Variants in MYCBP2 observed in about 807,000 individuals in gnomAD.
MYCBP2 encodes the protein MYC binding protein 2.
A neutral mutation model predicts 525.3 loss-of-function variants in MYCBP2; 120 were observed. The observed-to-expected ratio is 0.23, with a 90% CI of 0.20 to 0.27. MYCBP2 has a LOEUF of 0.27. MYCBP2 is among the 10% of genes least tolerant of loss of function. MYCBP2 has a pLI of 1.00. For missense variants in MYCBP2, 4,149 were observed against 5,657.1 expected (o/e 0.73, Z 8.55); for synonymous variants, 1,894 against 1,955.8 (o/e 0.97, Z 0.83).
At chr13:77,276,894 T>C (rs1291306496) in intron 4 of MYCBP2, among the ~76,000 whole-genome samples, 1 of 139,042 alleles carries the variant, frequency 7.2e-6, no homozygotes, top group Non-Finnish European at 1.5e-5. Context: ...AGCCTTAAGC[T>C]ATCCTCCTGC....
At chr13:77,091,143 T>C (rs2045345678) in intron 59 of MYCBP2, among the ~76,000 whole-genome samples, 1 of 145,462 alleles carries the variant, frequency 6.9e-6, no homozygotes, top group Admixed American at 6.8e-5. Flanking sequence ...TATTTTCTAA[T>C]AGACGGCTAA....
rs2051470269 is a variant in MYCBP2 at position 77,125,399 on chromosome 13, C to T, written c.7954G>A (p.Glu2652Lys). 1 of 1,613,902 alleles carries T rather than the reference C, an allele frequency of 6.2e-7. No individual in the cohort carries two copies. The highest frequency in any genetic ancestry group is 1.3e-5 in the African/African-American group (1 of 74,924). ...CTAGCTAAGGACCATGCCTCTCCTT[C>T]ATCACTCTCACAGAACTCTACCATG... is the stretch of plus-strand genomic sequence containing the variant. The part of the protein sequence containing the change: ...NSMVEFCESD[E>K]GEAWSLARDR... Residue 2652 changes from glutamate to lysine, a missense_variant, in exon 54 of 83, where the codon GAA (glutamate) becomes AAA (lysine). Glu to Lys is a moderately conservative substitution (Grantham distance 56). Around this residue, in one of 21 missense-constraint regions of MYCBP2, gnomAD observed 653 missense variants for 744.7 expected, o/e 0.88. Transcript: ENST00000544440.
chr13:77,248,688 G>C (rs188321547), intron 15 of MYCBP2, among the ~76,000 whole-genome samples: 3,001 of 151,990 alleles, frequency 0.02, 51 homozygotes, highest in Non-Finnish European at 0.032. Flanking sequence ...GTTGGCCGCT[G>C]TGAAAAATAG....
intron 55 of MYCBP2, chr13:77,109,729 G>C (rs753711836): frequency 6.6e-6 from 1 of 152,196 alleles, no homozygotes; most frequent in Non-Finnish European, 1.5e-5. Context: ...CAGAGATCCT[G>C]AATGGAGGGA....
intron 20 of MYCBP2, among the ~76,000 whole-genome samples, chr13:77,218,906 T>C (rs1029061783): frequency 1.3e-5 from 2 of 152,174 alleles, no homozygotes; most frequent in Non-Finnish European, 2.9e-5. Context: ...TAATTTATGA[T>C]GAAGGCCTTA....
chr13:77,259,669 A>C (rs759837362), intron 13 of MYCBP2, among the ~76,000 whole-genome samples: 3 of 152,214 alleles, frequency 2.0e-5, no homozygotes, highest in Non-Finnish European at 4.4e-5. Context: ...CTACAGGTGT[A>C]ATTTCCCCAG....
chr13:77,061,528 G>C (rs765819273), intron 75 of MYCBP2, 134 bp downstream of exon 75: 1 of 1,059,048 alleles, frequency 9.4e-7, no homozygotes, highest in Admixed American at 3.2e-5. Flanking sequence ...GATGGTAAGC[G>C]AGACAGCTGT....
At chr13:77,281,510 C>T (rs572056520) in intron 3 of MYCBP2, among the ~76,000 whole-genome samples, 4 of 152,242 alleles carry the variant, frequency 2.6e-5, no homozygotes, top group South Asian at 2.1e-4. Context: ...CACATGCTTT[C>T]GCACTTCTCT....
intron 17 of MYCBP2, among the ~76,000 whole-genome samples, chr13:77,236,554 T>C (rs527654066): frequency 6.6e-6 from 1 of 152,328 alleles, no homozygotes; most frequent in South Asian, 2.1e-4. Flanking sequence ...ACTTTATTCA[T>C]TATAGCAACA....
chr13:77,157,431 C>T lies in MYCBP2; in HGVS notation c.6770+506G>A, dbSNP rs1484527141. On this transcript the variant is annotated intron_variant, in intron 45 of 82. Coordinates refer to ENST00000544440, the MANE Select transcript of MYCBP2 (RefSeq NM_015057.5). ...TAGACACAGGATTTCACCATGTTGG[C>T]CAGACTTGTCTTCAACTCCTATGCT... is the stretch of plus-strand genomic sequence containing the variant. Among the ~76,000 whole-genome samples the T allele has an allele frequency of 5.3e-5, 8 of 152,260 alleles. No homozygotes were observed. The East Asian group carries it at 1.5e-3, about 29-fold the overall frequency.
chr13:77,082,975 A>T lies in MYCBP2; in HGVS notation c.11036+57T>A. The T allele has an allele frequency of 2.7e-6, 4 of 1,496,402 alleles. No individual in the cohort carries two copies. In the Admixed American group the frequency reaches 8.2e-5, roughly 31 times the overall value. The allele number at this position is 1,496,402 out of a possible 1,614,324, so 92.7% of individuals were successfully genotyped here. A position where few individuals can be genotyped will look rare whatever the true frequency, so the allele number is the denominator to read the frequency against. On this transcript the variant is annotated intron_variant, in intron 63 of 82. Transcript: ENST00000544440. ...TTTTTTTGGAGCATTTCATACTTTG[A>T]ATATTCCATAAACTCTCTTGTCCAA...
intron 17 of MYCBP2, among the ~76,000 whole-genome samples, chr13:77,237,188 C>G (rs2068047939): frequency 6.6e-6 from 1 of 152,042 alleles, no homozygotes. Context: ...ATGGTATAGC[C>G]ATATTATGAT....
intron 26 of MYCBP2, among the ~76,000 whole-genome samples, chr13:77,201,516 T>C (rs2062555923): frequency 6.6e-6 from 1 of 152,054 alleles, no homozygotes. Flanking sequence ...TATCCAGGAA[T>C]TGAACTCAGC....
At position 77,217,926 on chromosome 13, in the gene MYCBP2, C is replaced by T; in HGVS notation, c.2971G>A (p.Gly991Ser). ...GCPTLVQALP[G>S]PSTQVTAGSN... ...CCTGCAGTGACTTGTGTGCTAGGGC[C>T]TGGCAATGCTTGAACAAGAGTGGGA... Residue 991 changes from glycine to serine, a missense_variant, in exon 21 of 83, where the codon GGC (glycine) becomes AGC (serine). Coordinates refer to ENST00000544440, the MANE Select transcript of MYCBP2 (RefSeq NM_015057.5). The T allele has an allele frequency of 3.0e-5, 49 of 1,608,132 alleles. No homozygotes were observed. Among genetic ancestry groups the T allele is most frequent in the Non-Finnish European group, 4.0e-5 (47 of 1,177,416 alleles).
intron 3 of MYCBP2, among the ~76,000 whole-genome samples, chr13:77,286,136 G>A (rs2076732158): frequency 6.6e-6 from 1 of 152,172 alleles, no homozygotes; most frequent in South Asian, 2.1e-4. Flanking sequence ...TATGATTAAG[G>A]ATGGTGGTGT....
chr13:77,141,856 A>G (rs551000997), intron 49 of MYCBP2, among the ~76,000 whole-genome samples: 8 of 152,140 alleles, frequency 5.3e-5, no homozygotes, highest in Non-Finnish European at 1.0e-4. Context: ...TATTATAACT[A>G]TTCTAGTGAA....
intron 2 of MYCBP2, among the ~76,000 whole-genome samples, chr13:77,294,129 T>TATATATATATATATATATATAA: frequency 3.8e-5 from 1 of 26,138 alleles, no homozygotes; most frequent in Admixed American, 6.1e-4. Flanking sequence ...TATATATATA[T>TATATATATATATATATATATAA]ACATATATAT....
chr13:77,094,264 GT>G (rs1265170821), intron 58 of MYCBP2, among the ~76,000 whole-genome samples: 1 of 152,140 alleles, frequency 6.6e-6, no homozygotes, highest in Non-Finnish European at 1.5e-5. Flanking sequence ...AAAAAATTTG[GT>G]TTTGGTATAT....
At chr13:77,087,678 GT>G (rs1192383101) in intron 61 of MYCBP2, 45 bp from the exon 62 acceptor site, 1 of 1,524,064 alleles carries the variant, frequency 6.6e-7, no homozygotes, top group East Asian at 2.3e-5. Context: ...AAATACATGA[GT>G]TTAAAAAGTA....
Sources: gnomAD v4.1 joint callset for allele counts (sites outside exome capture counted in the v4.1 genomes callset) on GRCh38, gnomAD v4.1.1 for gene constraint, gnomAD v4.1.1 regional missense constraint, MANE v1.5 for transcripts, NCBI Gene and HGNC (gene_info 2026-07-23, HGNC 2026-07-21) for gene names.